Variants in GRXCR1 observed in about 807,000 individuals in gnomAD.
The protein encoded by GRXCR1 is glutaredoxin domain-containing cysteine-rich protein 1.
In GRXCR1, 27 loss-of-function variants were observed where a neutral mutation model predicts 27.3. The observed-to-expected ratio is 0.99, with a 90% CI of 0.73 to 1.37. The LOEUF (loss-of-function observed/expected upper bound fraction) is 1.37, where lower values mean the gene tolerates loss of function less well. GRXCR1 is among the 40% of genes most tolerant of loss of function. The pLI, the probability that GRXCR1 is intolerant of heterozygous loss-of-function variation, is 0.00. For synonymous variants in GRXCR1, 122 were observed against 131.1 expected, an observed-to-expected ratio of 0.93 and a Z score of 0.47; for missense variants, 379 against 354.4, an observed-to-expected ratio of 1.07 and a Z score of -0.56.
intron 1 of GRXCR1, among the ~76,000 whole-genome samples, chr4:42,902,685 G>A (rs145128951): frequency 6.6e-6 from 1 of 152,274 alleles, no homozygotes; most frequent in African/African-American, 2.4e-5. Flanking sequence ...GCATTTCAGG[G>A]GTGGAGTGGT....
rs1417180326 is a variant in GRXCR1, at chr4:42,933,345, G to A, written c.385-29547G>A. 5.3e-5 allele frequency among the ~76,000 whole-genome samples: 8 copies of A among 151,890 alleles called. No individual in the cohort carries two copies. The East Asian group carries it at 1.6e-3, about 30-fold the overall frequency. On this transcript the variant is annotated intron_variant, in intron 1 of 3. Coordinates refer to ENST00000399770, the MANE Select transcript of GRXCR1 (RefSeq NM_001080476.3). ...GCTAGCTGGAGAACAGCTGGAAGAA[G>A]TGGTCACTCTTCCAAGGAACTAACA...
intron 2 of GRXCR1, among the ~76,000 whole-genome samples, chr4:43,007,089 T>C (rs1161347142): frequency 6.6e-6 from 1 of 152,234 alleles, no homozygotes. Flanking sequence ...GAAATAGGGT[T>C]AACTAATAGA....
chr4:42,932,665 G>GAGAGAGAGAGAGA (rs3072809), intron 1 of GRXCR1, among the ~76,000 whole-genome samples: 8 of 111,284 alleles, frequency 7.2e-5, no homozygotes, highest in Admixed American at 9.9e-5. Context: ...GAGAGAGAGA[G>GAGAGAGAGAGAGA]GCAATCTGTA....
intron 1 of GRXCR1, among the ~76,000 whole-genome samples, chr4:42,917,388 T>G (rs528355048): frequency 4.4e-4 from 67 of 152,300 alleles, no homozygotes; most frequent in African/African-American, 1.6e-3. Context: ...AATTGTTTTG[T>G]TGTGCTAGGC....
intron 2 of GRXCR1, among the ~76,000 whole-genome samples, chr4:42,987,271 TATATATAGAG>T (rs1711798821): frequency 3.4e-5 from 4 of 116,460 alleles, no homozygotes; most frequent in Non-Finnish European, 7.1e-5. Context: ...AATATATATA[TATATATAGAG>T]AGAGAGAGAG....
At chr4:42,945,254 G>A (rs981398991) in intron 1 of GRXCR1, among the ~76,000 whole-genome samples, 3 of 152,076 alleles carry the variant, frequency 2.0e-5, no homozygotes, top group African/African-American at 7.2e-5. Flanking sequence ...ACCCAGTTTA[G>A]GATATTTTGT....
At chr4:42,899,938 C>T (rs2109737324) in intron 1 of GRXCR1, among the ~76,000 whole-genome samples, 1 of 152,214 alleles carries the variant, frequency 6.6e-6, no homozygotes, top group South Asian at 2.1e-4. Flanking sequence ...CACAATATGA[C>T]TTGAAACTGC....
chr4:42,919,211 T>C (rs1746952245), intron 1 of GRXCR1, among the ~76,000 whole-genome samples: 1 of 152,168 alleles, frequency 6.6e-6, no homozygotes, highest in African/African-American at 2.4e-5. Context: ...CTGTAGAGGC[T>C]GGCCTGTCAG....
At chr4:42,968,996 C>A (rs1748316293) in intron 2 of GRXCR1, among the ~76,000 whole-genome samples, 1 of 152,108 alleles carries the variant, frequency 6.6e-6, no homozygotes, top group African/African-American at 2.4e-5. Flanking sequence ...TAGAACAATT[C>A]TTCAAGCTGT....
chr4:42,977,094 C>T (rs1224723730), intron 2 of GRXCR1, among the ~76,000 whole-genome samples: 1 of 152,016 alleles, frequency 6.6e-6, no homozygotes, highest in Non-Finnish European at 1.5e-5. Context: ...TGAGTTATTT[C>T]ACTTGACATA....
intron 2 of GRXCR1, among the ~76,000 whole-genome samples, chr4:42,978,094 A>G (rs1748565708): frequency 6.6e-6 from 1 of 152,092 alleles, no homozygotes; most frequent in Non-Finnish European, 1.5e-5. Context: ...ACGTTTGTTG[A>G]AAATATGTTG....
At chr4:42,990,132 T>C (rs537481883) in intron 2 of GRXCR1, among the ~76,000 whole-genome samples, 232 of 150,912 alleles carry the variant, frequency 1.5e-3, no homozygotes, top group South Asian at 6.9e-3. Flanking sequence ...TAGAATACTT[T>C]TGATGTTCAT....
chr4:42,951,246 C>T (rs1747875785), intron 1 of GRXCR1, among the ~76,000 whole-genome samples: 2 of 152,170 alleles, frequency 1.3e-5, no homozygotes, highest in Admixed American at 6.5e-5. Flanking sequence ...ACAGATGGTA[C>T]GTTGACCACC....
chr4:42,965,826 G>A (rs1348365993), intron 2 of GRXCR1, among the ~76,000 whole-genome samples: 7 of 152,068 alleles, frequency 4.6e-5, no homozygotes, highest in African/African-American at 9.6e-5. Flanking sequence ...GAGATGGGAC[G>A]GAGAACAAGA....
At chr4:43,024,063 A>C (rs1275105589) in intron 3 of GRXCR1, among the ~76,000 whole-genome samples, 1 of 152,114 alleles carries the variant, frequency 6.6e-6, no homozygotes, top group Non-Finnish European at 1.5e-5. Context: ...TGGTTCTGGC[A>C]GACACTGAAT....
intron 3 of GRXCR1, among the ~76,000 whole-genome samples, chr4:43,020,850 AT>A (rs1477067607): frequency 6.6e-6 from 1 of 152,218 alleles, no homozygotes; most frequent in African/African-American, 2.4e-5. Flanking sequence ...TTTAATTTGT[AT>A]TCCTGTGCTT....
At chr4:42,993,159 T>G (rs779593070) in intron 2 of GRXCR1, among the ~76,000 whole-genome samples, 8 of 152,126 alleles carry the variant, frequency 5.3e-5, no homozygotes, top group African/African-American at 1.2e-4. Flanking sequence ...TATTTTATCT[T>G]TGACAAGTAA....
intron 1 of GRXCR1, among the ~76,000 whole-genome samples, chr4:42,933,974 A>G (rs1046639206): frequency 3.3e-5 from 5 of 151,878 alleles, no homozygotes; most frequent in Non-Finnish European, 5.9e-5. Flanking sequence ...GAGATGAATC[A>G]AGGGGAGATG....
At chr4:42,990,173 CTTTTTTTTTTTTTTTTTTTTTTTT>C (rs745784596) in intron 2 of GRXCR1, among the ~76,000 whole-genome samples, 13 of 46,202 alleles carry the variant, frequency 2.8e-4, no homozygotes, top group South Asian at 1.1e-3. Context: ...ATTATTAGTT[CTTTTTTTTTTTTTTTTTTTTTTTT>C]TTTTTTTTTT....
Sources: allele counts gnomAD v4.1 joint callset (sites outside exome capture counted in the v4.1 genomes callset), GRCh38; gene constraint gnomAD v4.1.1; transcripts MANE v1.5; gene names NCBI Gene and HGNC (gene_info 2026-07-23, HGNC 2026-07-21).